The following FAM3C variants were observed in gnomAD, a reference collection of about 807,000 sequenced individuals.
FAM3C encodes FAM3 metabolism regulating signaling molecule C.
A neutral mutation model predicts 32.5 loss-of-function variants in FAM3C; 15 were observed. The ratio of observed to expected loss-of-function variants is 0.46; its 90% confidence interval spans 0.31 to 0.71. FAM3C has a LOEUF of 0.71. FAM3C is among the 30% of genes least tolerant of loss of function. FAM3C has a pLI of 0.05. For missense variants in FAM3C, 175 were observed against 274.4 expected (o/e 0.64, Z 2.56); for synonymous variants, 75 against 86.1 (o/e 0.87, Z 0.72).
intron 5 of FAM3C, among the ~76,000 whole-genome samples, chr7:121,370,004 C>A (rs184939870): frequency 1.4e-4 from 22 of 152,244 alleles, no homozygotes; most frequent in Admixed American, 2.6e-4. Flanking sequence ...GAATAGATGT[C>A]CAAAATCATC....
chr7:121,362,979 C>A, intron 6 of FAM3C, 32 bp from the exon 7 acceptor site: 1 of 1,022,830 alleles, frequency 9.8e-7, no homozygotes. Flanking sequence ...TCAAATTATG[C>A]ATCTGAAATA....
At chr7:121,355,864 G>C (rs2536175) in intron 8 of FAM3C, among the ~76,000 whole-genome samples, 38,828 of 152,010 alleles carry the variant, frequency 0.26, 5,953 homozygotes, top group African/African-American at 0.44. Context: ...ACTTTGAAGA[G>C]AGTACAAAGC....
At chr7:121,362,871 AAC>A (rs752097915) in intron 7 of FAM3C, 24 bp downstream of exon 7, 13 of 1,369,832 alleles carry the variant, frequency 9.5e-6, no homozygotes, top group Non-Finnish European at 3.1e-6. Flanking sequence ...CCAGCAAAAG[AAC>A]ACAGTCATGT....
intron 6 of FAM3C, among the ~76,000 whole-genome samples, chr7:121,363,227 A>C (rs1217082629): frequency 6.6e-6 from 1 of 152,150 alleles, no homozygotes; most frequent in Admixed American, 6.5e-5. Context: ...CTGACTGTAG[A>C]CCATTCCAAT....
chr7:121,377,679 A>G (rs1794266044), intron 3 of FAM3C, among the ~76,000 whole-genome samples: 1 of 152,236 alleles, frequency 6.6e-6, no homozygotes. Context: ...AACAGACCAT[A>G]TATAGAGTGG....
intron 1 of FAM3C, among the ~76,000 whole-genome samples, chr7:121,389,294 T>C (rs915690918): frequency 6.6e-6 from 1 of 152,256 alleles, no homozygotes; most frequent in East Asian, 1.9e-4. Context: ...CAGTTATTCT[T>C]TTCAGAAATC....
At chr7:121,380,238 T>A (rs564997730) in intron 2 of FAM3C, 1 of 152,268 alleles carries the variant, frequency 6.6e-6, no homozygotes, top group Non-Finnish European at 1.5e-5. Flanking sequence ...CATAGGCACA[T>A]GCAACCAGAG....
At chr7:121,396,124 C>G (rs1198954933) in intron 1 of FAM3C, 38 bp downstream of exon 1, 2 of 152,830 alleles carry the variant, frequency 1.3e-5, no homozygotes, top group African/African-American at 4.8e-5. Context: ...CCTCCCCGAA[C>G]CTGAGCCCCG....
intron 3 of FAM3C, among the ~76,000 whole-genome samples, chr7:121,376,821 A>G (rs943996228): frequency 7.9e-5 from 12 of 152,320 alleles, no homozygotes; most frequent in African/African-American, 2.9e-4. Context: ...GTCCATGGAC[A>G]GGGATCTCAG....
chr7:121,367,453 G>T (rs1310326819), intron 5 of FAM3C, among the ~76,000 whole-genome samples: 4 of 151,982 alleles, frequency 2.6e-5, no homozygotes, highest in Non-Finnish European at 5.9e-5. Context: ...AAATGATTAT[G>T]TAAGTACATA....
chr7:121,372,736 C>T (rs187644623), intron 3 of FAM3C, among the ~76,000 whole-genome samples: 208 of 152,270 alleles, frequency 1.4e-3, no homozygotes, highest in Non-Finnish European at 2.5e-3. Flanking sequence ...TTTAAAAGCA[C>T]TAACATCTGA....
rs149089795 is a variant in FAM3C, at chr7:121,368,677, T to C, written c.272+2623A>G. ...CACTCAGAAAAAAGTCTCAACCCTT[T>C]ACCTGCGTGGCCTACAAGTTCCTAT... On this transcript the variant is annotated intron_variant, in intron 5 of 9. Coordinates refer to ENST00000359943, the MANE Select transcript of FAM3C (RefSeq NM_014888.3). Among the ~76,000 whole-genome samples, 798 of 152,232 alleles carry C rather than the reference T, an allele frequency of 5.2e-3. 9 individuals are homozygous for C. The highest frequency in any genetic ancestry group is 0.018 in the African/African-American group (745 of 41,538).
intron 1 of FAM3C, among the ~76,000 whole-genome samples, chr7:121,393,964 T>TG (rs1794632924): frequency 6.6e-6 from 1 of 152,244 alleles, no homozygotes; most frequent in African/African-American, 2.4e-5. Flanking sequence ...CAAAAATCTA[T>TG]CTAGCTCAGC....
intron 2 of FAM3C, among the ~76,000 whole-genome samples, chr7:121,381,690 ACG>A (rs1491117006): frequency 6.6e-6 from 1 of 151,190 alleles, no homozygotes; most frequent in African/African-American, 2.4e-5. Flanking sequence ...ACACACACAC[ACG>A]CATGCAACAT....
chr7:121,351,047 CGCTTTATCTAATTTTCAAATA>C, intron 9 of FAM3C, 75 bp downstream of exon 9: 5 of 1,079,002 alleles, frequency 4.6e-6, no homozygotes, highest in Non-Finnish European at 5.4e-6. Context: ...ATTTACTATC[CGCTTTATCTAATTTTCAAATA>C]GCTGGGATGG....
At chr7:121,384,413 G>C (rs570926257) in intron 1 of FAM3C, among the ~76,000 whole-genome samples, 1 of 152,220 alleles carries the variant, frequency 6.6e-6, no homozygotes, top group African/African-American at 2.4e-5. Flanking sequence ...TCCTCTGTTG[G>C]CTTCTGGCAA....
At chr7:121,376,863 C>G (rs1794246349) in intron 3 of FAM3C, among the ~76,000 whole-genome samples, 2 of 152,148 alleles carry the variant, frequency 1.3e-5, no homozygotes, top group African/African-American at 4.8e-5. Context: ...AATGCAGAAT[C>G]TCAGGCCCCA....
Position 121,388,453 on chromosome 7 carries a change from AAT to A in FAM3C, c.-41-5445_-41-5444del, listed in dbSNP as rs1794510658. ...GGTGTGGGGAGAGGTGATCCATATG[AAT>A]TCTATAATACTAGGAATGACAAATT... is the stretch of plus-strand genomic sequence containing the variant. On this transcript the variant is annotated intron_variant, in intron 1 of 9. Transcript: ENST00000359943. 2.6e-5 allele frequency among the ~76,000 whole-genome samples: 4 copies of A among 152,238 alleles called. No homozygotes were observed. The South Asian group carries it at 8.3e-4, about 32-fold the overall frequency.
chr7:121,374,038 G>T (rs968593185), intron 3 of FAM3C, among the ~76,000 whole-genome samples: 2 of 151,166 alleles, frequency 1.3e-5, no homozygotes, highest in African/African-American at 4.9e-5. Flanking sequence ...AGTACTTATT[G>T]CAGCAATATA....
Sources: gnomAD v4.1 joint callset for allele counts (sites outside exome capture counted in the v4.1 genomes callset) on GRCh38, gnomAD v4.1.1 for gene constraint, MANE v1.5 for transcripts, NCBI Gene and HGNC (gene_info 2026-07-23, HGNC 2026-07-21) for gene names.